The following GSE1 variants were observed in gnomAD, a reference collection of about 807,000 sequenced individuals.
GSE1 encodes the protein Gse1 coiled-coil protein.
GSE1 carries 32 observed loss-of-function variants against 112.6 expected under a neutral mutation model. The observed-to-expected ratio is 0.28, with a 90% CI of 0.21 to 0.38. The LOEUF (loss-of-function observed/expected upper bound fraction) is 0.38, where lower values mean the gene tolerates loss of function less well. GSE1 is among the 10% of genes least tolerant of loss of function. The pLI, the probability that GSE1 is intolerant of heterozygous loss-of-function variation, is 1.00. For missense variants in GSE1, 2,348 were observed against 1,699.2 expected, an observed-to-expected ratio of 1.38 and a Z score of -6.71; for synonymous variants, 1,115 against 735.6, an observed-to-expected ratio of 1.52 and a Z score of -8.35.
upstream of GSE1, chr16:85,611,620 G>A (rs1258712638): frequency 9.7e-6 from 4 of 410,618 alleles, no homozygotes; most frequent in Non-Finnish European, 6.6e-6. Flanking sequence ...AAGGCGGGGG[G>A]CCGGCCCGCG....
At chr16:85,249,248 C>T (rs1174287640) in intron 1 of GSE1, among the ~76,000 whole-genome samples, 4 of 152,250 alleles carry the variant, frequency 2.6e-5, no homozygotes, top group Non-Finnish European at 4.4e-5. Context: ...AGGAATGAAG[C>T]TGCCTTAGTG....
chr16:85,478,911 CTT>C (rs746073453), intron 2 of GSE1, among the ~76,000 whole-genome samples: 28 of 58,640 alleles, frequency 4.8e-4, no homozygotes, highest in African/African-American at 1.3e-3. Flanking sequence ...TTCTTTCTTT[CTT>C]TCTTTCTTTC....
chr16:85,328,953 G>GC (rs1354199367), intron 1 of GSE1, among the ~76,000 whole-genome samples: 1 of 152,222 alleles, frequency 6.6e-6, no homozygotes, highest in Non-Finnish European at 1.5e-5. Context: ...GGTGGCTGAT[G>GC]CCCCTCCAGG....
chr16:85,528,437 G>A (rs572952352), intron 2 of GSE1, among the ~76,000 whole-genome samples: 35 of 151,956 alleles, frequency 2.3e-4, no homozygotes, highest in South Asian at 6.2e-4. Context: ...TCAGCCTCCC[G>A]GGTAGCCGGG....
intron 5 of GSE1, 24 bp downstream of exon 5, chr16:85,655,015 C>A (rs367892321): frequency 7.0e-7 from 1 of 1,434,946 alleles, no homozygotes; most frequent in Non-Finnish European, 9.6e-7. Flanking sequence ...CACGCGCCCT[C>A]TCGTCTAGGT....
rs569200397 is a variant in GSE1 at position 85,452,585 on chromosome 16, A to G, written c.2464+94942A>G. Among the ~76,000 whole-genome samples the G allele has an allele frequency of 5.3e-5, 8 of 152,320 alleles. No homozygotes were observed. The East Asian group carries it at 1.5e-3, about 29-fold the overall frequency. ...TCCTGGAAGCCTGGGGTGCTGCTGC[A>G]TCTCAAAGGGCCTCCTTCCTCGGAA... On this transcript the variant is annotated intron_variant, in intron 2 of 2. Coordinates refer to the GSE1 transcript ENST00000637419.
chr16:85,647,842 C>G (rs908685560), intron 2 of GSE1, among the ~76,000 whole-genome samples: 1 of 152,180 alleles, frequency 6.6e-6, no homozygotes, highest in African/African-American at 2.4e-5. Context: ...GCCTCGGCCT[C>G]CCAAAGTGCT....
chr16:85,226,337 A>G (rs554303326), intron 1 of GSE1, among the ~76,000 whole-genome samples: 1 of 152,356 alleles, frequency 6.6e-6, no homozygotes, highest in South Asian at 2.1e-4. Flanking sequence ...ATAGTCATCT[A>G]CAATTTTATT....
At chr16:85,187,797 G>A (rs1452627428) in intron 1 of GSE1, among the ~76,000 whole-genome samples, 12 of 152,250 alleles carry the variant, frequency 7.9e-5, no homozygotes, top group Admixed American at 7.8e-4. Context: ...TGAAGCCATA[G>A]CCGAGGGCCC....
intron 1 of GSE1, among the ~76,000 whole-genome samples, chr16:85,246,533 G>A (rs1430356062): frequency 9.0e-6 from 1 of 110,856 alleles, no homozygotes; most frequent in East Asian, 2.5e-4. Context: ...TGCAGGAGAT[G>A]TGATTAGCAG....
At chr16:85,494,127 C>T (rs1173412699) in intron 2 of GSE1, among the ~76,000 whole-genome samples, 4 of 152,230 alleles carry the variant, frequency 2.6e-5, no homozygotes, top group Non-Finnish European at 5.9e-5. Flanking sequence ...GAACTTACCC[C>T]GAACAGAGGG....
chr16:85,479,666 C>A (rs16975633), intron 2 of GSE1, among the ~76,000 whole-genome samples: 2 of 152,098 alleles, frequency 1.3e-5, no homozygotes, highest in African/African-American at 4.8e-5. Context: ...TTTTAGCTCA[C>A]CAACCCTTCT....
chr16:85,308,703 G>A lies in GSE1; in HGVS notation c.2284-48760G>A, dbSNP rs543011759. Among the ~76,000 whole-genome samples the A allele has an allele frequency of 2.4e-4, 36 of 152,008 alleles. No homozygotes were observed. The South Asian group carries it at 7.3e-3, about 31-fold the overall frequency. The stretch of plus-strand genomic sequence containing the variant: ...AACACATTGCCTGGGGAAGGCTCTC[G>A]CTCTGTCAGTGGTTCTTGAATTCTG... On this transcript the variant is annotated intron_variant, in intron 1 of 2. Coordinates refer to the GSE1 transcript ENST00000637419.
chr16:85,331,360 T>TATATATAC (rs1464151810), intron 1 of GSE1, among the ~76,000 whole-genome samples: 1 of 114,794 alleles, frequency 8.7e-6, no homozygotes, highest in African/African-American at 3.1e-5. Flanking sequence ...TGTGTGTGTG[T>TATATATAC]GTGTGTATAT....
At chr16:85,604,331 A>T (rs2047591405) in intron 1 of GSE1, among the ~76,000 whole-genome samples, 1 of 152,124 alleles carries the variant, frequency 6.6e-6, no homozygotes, top group East Asian at 1.9e-4. Context: ...AGCGTGGATT[A>T]GCACCTCAGT....
At chr16:85,612,903 G>C (rs1337409031), upstream of GSE1, among the ~76,000 whole-genome samples, 1 of 149,486 alleles carries the variant, frequency 6.7e-6, no homozygotes, top group Non-Finnish European at 1.5e-5. Context: ...CACGTGGCGA[G>C]GGTGCTGCAC....
chr16:85,175,233 C>T (rs1378661046), intron 1 of GSE1, among the ~76,000 whole-genome samples: 4 of 152,332 alleles, frequency 2.6e-5, no homozygotes, highest in South Asian at 2.1e-4. Context: ...CCCCAGAGAG[C>T]ACCATGCTCT....
At chr16:85,331,273 C>T (rs1009025498) in intron 1 of GSE1, among the ~76,000 whole-genome samples, 2 of 149,658 alleles carry the variant, frequency 1.3e-5, no homozygotes, top group African/African-American at 4.9e-5. Context: ...CTGCCTCAGC[C>T]TCCCAAGTAG....
At chr16:85,636,278 C>A (rs1362157653) in intron 2 of GSE1, among the ~76,000 whole-genome samples, 2 of 152,234 alleles carry the variant, frequency 1.3e-5, no homozygotes, top group African/African-American at 2.4e-5. Flanking sequence ...TCGGTTCACT[C>A]ACCCACCTCA....
Sources: gnomAD v4.1 joint callset for allele counts (sites outside exome capture counted in the v4.1 genomes callset) on GRCh38, gnomAD v4.1.1 for gene constraint, MANE v1.5 for transcripts, NCBI Gene and HGNC (gene_info 2026-07-23, HGNC 2026-07-21) for gene names.